PTPRD: variants seen among roughly 807,000 people sequenced by gnomAD.
PTPRD encodes the protein receptor-type tyrosine-protein phosphatase delta.
Under a neutral mutation model 214.5 loss-of-function variants are expected in PTPRD, and 34 were observed. The ratio of observed to expected loss-of-function variants is 0.16; its 90% CI spans 0.12 to 0.21. The LOEUF is 0.21. PTPRD is among the 10% of genes least tolerant of loss of function. PTPRD has a pLI of 1.00. For missense variants in PTPRD, 2,545 were observed against 2,398.7 expected, an observed-to-expected ratio of 1.06 and a Z score of -1.27; for synonymous variants, 1,128 against 845.7, an observed-to-expected ratio of 1.33 and a Z score of -5.79.
intron 5 of PTPRD, among the ~76,000 whole-genome samples, chr9:9,795,136 G>A (rs140538078): frequency 1.3e-5 from 2 of 152,160 alleles, no homozygotes; most frequent in Non-Finnish European, 2.9e-5. Flanking sequence ...TATAGTTAAG[G>A]CTCCTGTCTC....
At chr9:9,477,227 A>G (rs1012594366) in intron 8 of PTPRD, among the ~76,000 whole-genome samples, 1 of 152,206 alleles carries the variant, frequency 6.6e-6, no homozygotes, top group Admixed American at 6.5e-5. Flanking sequence ...GTTTACTACT[A>G]TTCAACTGTA....
chr9:8,501,691 A>G (rs1252352897), intron 23 of PTPRD, among the ~76,000 whole-genome samples: 1 of 152,248 alleles, frequency 6.6e-6, no homozygotes, highest in Non-Finnish European at 1.5e-5. Context: ...AAATGTTAAC[A>G]TTGATCATAG....
chr9:8,416,547 T>C (rs527941811), intron 35 of PTPRD, among the ~76,000 whole-genome samples: 4 of 152,266 alleles, frequency 2.6e-5, no homozygotes, highest in African/African-American at 9.6e-5. Context: ...GAGCAGACTG[T>C]AGGACTCAAC....
Position 10,523,562 on chromosome 9 carries a change from T to C in PTPRD, c.-600+88836A>G, listed in dbSNP as rs544821395. Among the ~76,000 whole-genome samples the C allele has an allele frequency of 6.1e-4, 85 of 140,210 alleles. 1 individual carries two copies. Among genetic ancestry groups the C allele is most frequent in the Non-Finnish European group, 1.1e-3 (73 of 65,278 alleles). The allele number at this position is 140,210 out of a possible 152,430, so 92.0% of individuals were successfully genotyped here. A position where few individuals can be genotyped will look rare whatever the true frequency, so the allele number is the denominator to read the frequency against. On this transcript the variant is annotated intron_variant, in intron 2 of 45. Coordinates refer to ENST00000381196, the MANE Select transcript of PTPRD (RefSeq NM_002839.4). Reference sequence around the variant, plus strand: ...AGAACTGTAAGAAAAAATATCTTTCTAATAAAATACCCCCAATATTTTTCA... The same window carrying C: ...AGAACTGTAAGAAAAAATATCTTTCCAATAAAATACCCCCAATATTTTTCA...
chr9:10,419,100 G>A (rs1442329164), intron 2 of PTPRD, among the ~76,000 whole-genome samples: 8 of 151,850 alleles, frequency 5.3e-5, no homozygotes, highest in African/African-American at 4.8e-5. Context: ...TTGGTCCCAC[G>A]TAGGGTCTAT....
intron 11 of PTPRD, among the ~76,000 whole-genome samples, chr9:8,950,132 T>C (rs2099093561): frequency 1.3e-5 from 2 of 152,122 alleles, no homozygotes; most frequent in African/African-American, 2.4e-5. Context: ...ATGAAAATAC[T>C]AAGGGAATGC....
At chr9:9,918,056 A>G (rs1408136133) in intron 5 of PTPRD, among the ~76,000 whole-genome samples, 1 of 152,034 alleles carries the variant, frequency 6.6e-6, no homozygotes, top group Non-Finnish European at 1.5e-5. Context: ...AGTCCTACCC[A>G]GAACAATTAG....
At chr9:8,996,414 A>T (rs192343376) in intron 11 of PTPRD, among the ~76,000 whole-genome samples, 50 of 152,200 alleles carry the variant, frequency 3.3e-4, no homozygotes, top group African/African-American at 1.2e-3. Flanking sequence ...GATGTTCTGG[A>T]AAAAGAAAAA....
intron 33 of PTPRD, among the ~76,000 whole-genome samples, chr9:8,455,562 G>A (rs915350088): frequency 5.3e-5 from 8 of 152,078 alleles, no homozygotes; most frequent in South Asian, 4.1e-4. Flanking sequence ...ATACCCAAGT[G>A]GCTGGAATAT....
At chr9:8,966,273 A>G (rs1410830971) in intron 11 of PTPRD, among the ~76,000 whole-genome samples, 1 of 152,130 alleles carries the variant, frequency 6.6e-6, no homozygotes, top group Non-Finnish European at 1.5e-5. Context: ...ATTGAAAAAC[A>G]AAGATCCCAA....
intron 23 of PTPRD, 149 bp from the exon 24 acceptor site, chr9:8,501,208 G>A (rs1397984064): frequency 6.3e-6 from 4 of 634,250 alleles, no homozygotes; most frequent in African/African-American, 1.8e-5. Flanking sequence ...AAATTCTAAT[G>A]ACAAATTATG....
intron 39 of PTPRD, among the ~76,000 whole-genome samples, chr9:8,344,162 G>T (rs1290362946): frequency 6.6e-6 from 1 of 152,008 alleles, no homozygotes; most frequent in Non-Finnish European, 1.5e-5. Flanking sequence ...CGTTCTTTCT[G>T]TGTTGTCTTT....
intron 3 of PTPRD, among the ~76,000 whole-genome samples, chr9:10,116,912 C>T (rs1288323302): frequency 6.6e-6 from 1 of 151,874 alleles, no homozygotes; most frequent in Non-Finnish European, 1.5e-5. Context: ...ATGTACTCAT[C>T]TGCATTCATC....
chr9:10,588,755 G>C (rs1017195904), intron 2 of PTPRD, among the ~76,000 whole-genome samples: 1 of 151,692 alleles, frequency 6.6e-6, no homozygotes, highest in Non-Finnish European at 1.5e-5. Flanking sequence ...TCTTCCTTTA[G>C]GTCTTTAGTC....
chr9:9,885,907 T>C (rs901032651), intron 5 of PTPRD, among the ~76,000 whole-genome samples: 1 of 151,674 alleles, frequency 6.6e-6, no homozygotes, highest in East Asian at 1.9e-4. Flanking sequence ...TATCTGCCTA[T>C]CTGAAAGAGA....
intron 11 of PTPRD, among the ~76,000 whole-genome samples, chr9:8,843,581 A>T (rs73640958): frequency 0.14 from 21,248 of 152,128 alleles, 3,529 homozygotes; most frequent in African/African-American, 0.4. Context: ...AGCTAGCATG[A>T]ATGTGGTTTT....
intron 11 of PTPRD, among the ~76,000 whole-genome samples, chr9:8,900,830 A>T (rs1422743336): frequency 1.3e-5 from 2 of 152,342 alleles, no homozygotes; most frequent in East Asian, 3.9e-4. Flanking sequence ...GGTTTAGCAT[A>T]AGATTTCAGC....
At chr9:10,359,098 G>C (rs758006360) in intron 2 of PTPRD, among the ~76,000 whole-genome samples, 107 of 151,728 alleles carry the variant, frequency 7.1e-4, no homozygotes, top group Non-Finnish European at 1.2e-3. Flanking sequence ...CAATGCAAAA[G>C]GATTTTTTTC....
chr9:8,561,231 G>A (rs1025390311), intron 14 of PTPRD, among the ~76,000 whole-genome samples: 1 of 151,532 alleles, frequency 6.6e-6, no homozygotes, highest in Non-Finnish European at 1.5e-5. Context: ...AATCTTTTTT[G>A]AATATTCACA....
Sources: gnomAD v4.1 joint callset for allele counts (sites outside exome capture counted in the v4.1 genomes callset) on GRCh38, gnomAD v4.1.1 for gene constraint, MANE v1.5 for transcripts, NCBI Gene and HGNC (gene_info 2026-07-23, HGNC 2026-07-21) for gene names.